Variants in B3GNT7 observed in about 807,000 individuals in gnomAD.
The protein encoded by B3GNT7 is BGnT-7.
A neutral mutation model predicts 5.1 loss-of-function variants in B3GNT7; 9 were observed. That is an observed-to-expected ratio of 1.77 (90% CI 1.07 to 3.09). B3GNT7 has a LOEUF of 3.09. Among genes scored for constraint, B3GNT7 ranks in the 30% most tolerant of loss-of-function variants. The pLI is 0.00. For missense variants in B3GNT7, 468 were observed against 550.8 expected, an observed-to-expected ratio of 0.85 and a Z score of 1.50; for synonymous variants, 253 against 248.6, an observed-to-expected ratio of 1.02 and a Z score of -0.17.
chr2:231,399,143 T>G lies in B3GNT7; in HGVS notation c.*218T>G. 1.8e-6 allele frequency: 1 copy of G among 570,262 alleles called. No homozygotes were observed. The allele number at this position is 570,262 out of a possible 1,614,324, so 35.3% of individuals were successfully genotyped here. On this transcript the variant is annotated 3_prime_UTR_variant, in exon 2 of 2. Transcript: ENST00000287590. ...ACTGAGGCCCAGGAACGGTTGGAGC[T>G]GCCCAGTCTGGAGGCCCTCTCTGAG...
Position 231,398,266 on chromosome 2 carries a change from C to CA in B3GNT7, c.548dup (p.Glu184GlyfsTer59). Reference sequence around the variant, plus strand: ...CTTCCTGCTGGGCACGGCCTCCAAGCAGGAGGAGCGCACGCACTACCAGCA... The same window carrying CA: ...CTTCCTGCTGGGCACGGCCTCCAAGCAAGGAGGAGCGCACGCACTACCAGCA... On this transcript the variant is annotated frameshift_variant, in exon 2 of 2. Transcript: ENST00000287590. LOFTEE classifies it low-confidence loss of function (END_TRUNC). 1 of 1,612,726 alleles carries CA rather than the reference C, an allele frequency of 6.2e-7. No individual in the cohort carries two copies. Among genetic ancestry groups the CA allele is most frequent in the South Asian group, 1.1e-5 (1 of 91,074 alleles).
chr2:231,399,020 C>A lies in B3GNT7; in HGVS notation c.*95C>A. 8.6e-7 allele frequency: 1 copy of A among 1,166,158 alleles called. No homozygotes were observed. The highest frequency in any genetic ancestry group is 1.2e-6 in the Non-Finnish European group (1 of 851,256). The allele number at this position is 1,166,158 out of a possible 1,614,324, so 72.2% of individuals were successfully genotyped here. ...ACAGTGCCCAGGCCTAGCCTTTGGT[C>A]CCCAAGGGGAGGTGGAGGGTTGAGG... On this transcript the variant is annotated 3_prime_UTR_variant, in exon 2 of 2. Transcript: ENST00000287590.
chr2:231,398,798 T>C lies in B3GNT7; in HGVS notation c.1079T>C (p.Met360Thr), dbSNP rs369693152. 2.5e-6 allele frequency: 4 copies of C among 1,606,272 alleles called. No individual in the cohort carries two copies. The African/African-American group carries it at 5.3e-5, about 21-fold the overall frequency. Residue 360 changes from methionine (M) to threonine (T), a missense_variant, in exon 2 of 2, where the codon ATG (methionine) becomes ACG (threonine). Met to Thr is a moderately conservative substitution (Grantham distance 81). Coordinates refer to ENST00000287590, the MANE Select transcript of B3GNT7 (RefSeq NM_145236.3). ...FGISRNRNSR[M>T]NKEPCFFRAM... ...ATCTCCCGGAACCGCAACAGCCGCA[T>C]GAACAAGGAGCCGTGCTTTTTCCGC...
rs1184659332 is a variant in B3GNT7, at chr2:231,399,173, G to A, written c.*248G>A. ...AGTCTGGAGGCCCTCTCTGAGGAGCGAGGCGCCAGGCCCTGGCAGCCCTCC... is the reference window on the plus strand; with the variant it reads ...AGTCTGGAGGCCCTCTCTGAGGAGCAAGGCGCCAGGCCCTGGCAGCCCTCC... On this transcript the variant is annotated 3_prime_UTR_variant, in exon 2 of 2. Transcript: ENST00000287590. The A allele has an allele frequency of 1.3e-4, 67 of 528,438 alleles. No homozygotes were observed. The East Asian group carries it at 2.1e-3, about 16-fold the overall frequency. 32.7% of individuals were successfully genotyped at this position (528,438 alleles called of 1,614,324 possible).
intron 1 of B3GNT7, 38 bp from the exon 2 acceptor site, chr2:231,397,692 CT>C (rs201032403): frequency 0.04 from 61,063 of 1,531,042 alleles, 1,528 homozygotes; most frequent in Non-Finnish European, 0.048. Context: ...CTGGGCTCAT[CT>C]TTTCTCTCTC....
rs2046534899 is a variant in B3GNT7 at position 231,398,382 on chromosome 2, C to T, written c.663C>T (p.His221=). 2 of 1,613,594 alleles carry T rather than the reference C, an allele frequency of 1.2e-6. No individual in the cohort carries two copies. The highest frequency in any genetic ancestry group is 1.7e-5 in the Admixed American group (1 of 60,012). ...TCAACCTGACCCTCAAGGAGATCCA[C>T]TTCCTCAAGTGGCTGGACATCTACT... ...TFFNLTLKEI[H]FLKWLDIYCP... is the part of the protein sequence containing the mutation. The change falls in exon 2 of 2, where the codon CAC becomes CAT. Residue 221 remains histidine, a synonymous_variant. Transcript: ENST00000287590.
intron 1 of B3GNT7, among the ~76,000 whole-genome samples, chr2:231,396,924 C>G (rs1320733756): frequency 6.6e-6 from 1 of 152,172 alleles, no homozygotes; most frequent in African/African-American, 2.4e-5. Flanking sequence ...AAGGGTCCCT[C>G]AAGGGCTGGA....
rs187875543 is a variant in B3GNT7, at chr2:231,398,166, C to T, written c.447C>T (p.Arg149=). 6.0e-5 allele frequency: 95 copies of T among 1,592,034 alleles called. 2 individuals carry two copies. The East Asian group carries it at 1.1e-3, about 18-fold the overall frequency. Residue 149 remains arginine, a synonymous_variant, in exon 2 of 2, where the codon CGC becomes CGT. Transcript: ENST00000287590. ...VVKSVITQHD[R]REAIRQTWGR... ...AGTCGGTCATCACGCAGCACGACCG[C>T]CGCGAGGCCATCCGCCAGACCTGGG...
In B3GNT7 at chr2:231,400,390, C is replaced by T. The variant is rs971526127; in HGVS notation, c.*1465C>T. 1 of 152,230 alleles carries T rather than the reference C, an allele frequency of 6.6e-6. No individual in the cohort carries two copies. The highest frequency in any genetic ancestry group is 1.5e-5 in the Non-Finnish European group (1 of 68,078). The allele number at this position is 152,230 out of a possible 1,614,324, so 9.4% of individuals were successfully genotyped here. On this transcript the variant is annotated 3_prime_UTR_variant, in exon 2 of 2. Transcript: ENST00000287590. ...GGCTCTAGCGTGAGCCAGTGCCTTC[C>T]TGTCCCTGCCAAGGGTGAGGCCAGA...
At chr2:231,397,407 A>C in intron 1 of B3GNT7, 1 of 381,550 alleles carries the variant, frequency 2.6e-6, no homozygotes, top group East Asian at 6.8e-5. Flanking sequence ...CTGGTACTTT[A>C]TATAGCACTC....
At position 231,397,562 on chromosome 2, in the gene B3GNT7, G is replaced by T. The variant is rs924079108; in HGVS notation, c.12-169G>T. ...GCAGGGTGGGAGAAAGAAAGGGCAG[G>T]GTGGGAGAGGAAGCGGGACCCTACC... On this transcript the variant is annotated intron_variant, in intron 1 of 1. Transcript: ENST00000287590. 3.3e-5 allele frequency among the ~76,000 whole-genome samples: 5 copies of T among 152,240 alleles called. No individual in the cohort carries two copies. In the East Asian group the frequency reaches 7.7e-4, roughly 24 times the overall value.
chr2:231,398,979 T>C lies in B3GNT7; in HGVS notation c.*54T>C. The C allele has an allele frequency of 6.9e-7, 1 of 1,440,426 alleles. No individual in the cohort carries two copies. 89.2% of individuals were successfully genotyped at this position (1,440,426 alleles called of 1,614,324 possible). The stretch of plus-strand genomic sequence containing the variant: ...GGCACTTGCTCCTGAGCCCCCATGG[T>C]ATTGGGGCTGGAGCCACAGTGCCCA... On this transcript the variant is annotated 3_prime_UTR_variant, in exon 2 of 2. Transcript: ENST00000287590.
In B3GNT7 at chr2:231,399,177, C is replaced by T. The variant is rs140890597; in HGVS notation, c.*252C>T. The T allele has an allele frequency of 2.5e-4, 130 of 520,532 alleles. 2 individuals are homozygous for T. The East Asian group carries it at 3.5e-3, about 14-fold the overall frequency. The allele number at this position is 520,532 out of a possible 1,614,324, so 32.2% of individuals were successfully genotyped here. A position where few individuals can be genotyped will look rare whatever the true frequency, so the allele number is the denominator to read the frequency against. ...TGGAGGCCCTCTCTGAGGAGCGAGG[C>T]GCCAGGCCCTGGCAGCCCTCCTGAC... On this transcript the variant is annotated 3_prime_UTR_variant, in exon 2 of 2. Coordinates refer to ENST00000287590, the MANE Select transcript of B3GNT7 (RefSeq NM_145236.3).
In B3GNT7 at chr2:231,398,397, G is replaced by A; in HGVS notation, c.678G>A (p.Leu226=). 1 of 1,613,708 alleles carries A rather than the reference G, an allele frequency of 6.2e-7. No homozygotes were observed. Among genetic ancestry groups the A allele is most frequent in the Non-Finnish European group, 8.5e-7 (1 of 1,179,876 alleles). Residue 226 remains leucine, a synonymous_variant, in exon 2 of 2, where the codon CTG becomes CTA. Transcript: ENST00000287590. ...AGGAGATCCACTTCCTCAAGTGGCT[G>A]GACATCTACTGCCCCCACGTCCCCT... The part of the protein sequence containing the change: ...TLKEIHFLKW[L]DIYCPHVPFI...
At chr2:231,396,094 G>T (rs1195544871) in intron 1 of B3GNT7, among the ~76,000 whole-genome samples, 2 of 152,038 alleles carry the variant, frequency 1.3e-5, no homozygotes, top group Admixed American at 6.5e-5. Context: ...ACCGCTCCAG[G>T]ACCCTGGCGG....
chr2:231,397,787 C>G lies in B3GNT7; in HGVS notation c.68C>G (p.Thr23Arg), dbSNP rs766174080. 2 of 1,613,638 alleles carry G rather than the reference C, an allele frequency of 1.2e-6. No homozygotes were observed. The highest frequency in any genetic ancestry group is 1.3e-5 in the African/African-American group (1 of 74,924). ...GCCCTGGCCCTGCTCGTGGCCGTGA[C>G]GGTGTTCCAACGCAGTCTCACCCCT... ...CLALALLVAV[T>R]VFQRSLTPGQ... Residue 23 changes from threonine (T) to arginine (R), a missense_variant, in exon 2 of 2, where the codon ACG (threonine) becomes AGG (arginine). Coordinates refer to ENST00000287590, the MANE Select transcript of B3GNT7 (RefSeq NM_145236.3).
chr2:231,395,765 C>A lies in B3GNT7; in HGVS notation c.-39C>A, dbSNP rs1408073335. 14 of 1,171,140 alleles carry A rather than the reference C, an allele frequency of 1.2e-5. 1 individual carries two copies. The highest frequency in any genetic ancestry group is 1.5e-5 in the Non-Finnish European group (14 of 949,250). The allele number at this position is 1,171,140 out of a possible 1,614,324, so 72.5% of individuals were successfully genotyped here. A position where few individuals can be genotyped will look rare whatever the true frequency, so the allele number is the denominator to read the frequency against. On this transcript the variant is annotated 5_prime_UTR_variant, in exon 1 of 2. Transcript: ENST00000287590. This position sits in a 1 kb window ranked among gnomAD's most constrained non-coding sequence, Gnocchi z 7.3. Reference sequence around the variant, plus strand: ...GCCCGAGCCGTGGCGCCCAGAGCTGCGAGCCGCTCGCCCCTCCGCCGCTCC... The same window carrying A: ...GCCCGAGCCGTGGCGCCCAGAGCTGAGAGCCGCTCGCCCCTCCGCCGCTCC...
In B3GNT7 at chr2:231,398,789, A is replaced by G. The variant is rs201884921; in HGVS notation, c.1070A>G (p.Asn357Ser). Residue 357 changes from asparagine (N) to serine (S), a missense_variant, in exon 2 of 2, where the codon AAC (asparagine) becomes AGC (serine). By Grantham distance (46) the Asn-to-Ser change is conservative. Coordinates refer to ENST00000287590, the MANE Select transcript of B3GNT7 (RefSeq NM_145236.3). Reference sequence around the variant, plus strand: ...ACTTTCGGCATCTCCCGGAACCGCAACAGCCGCATGAACAAGGAGCCGTGC... The same window carrying G: ...ACTTTCGGCATCTCCCGGAACCGCAGCAGCCGCATGAACAAGGAGCCGTGC... ...FKTFGISRNR[N>S]SRMNKEPCFF... 2.2e-4 allele frequency: 358 copies of G among 1,606,872 alleles called. No individual in the cohort carries two copies. The highest frequency in any genetic ancestry group is 1.8e-3 in the African/African-American group (135 of 75,068).
intron 1 of B3GNT7, among the ~76,000 whole-genome samples, chr2:231,396,760 A>G (rs2046518638): frequency 6.6e-6 from 1 of 152,162 alleles, no homozygotes; most frequent in African/African-American, 2.4e-5. Context: ...GTGTCCTGGC[A>G]GCCCCCGGAG....
Sources: allele counts gnomAD v4.1 joint callset (sites outside exome capture counted in the v4.1 genomes callset), GRCh38; gene constraint gnomAD v4.1.1; non-coding constraint Gnocchi (gnomAD v3.1); transcripts MANE v1.5; gene names NCBI Gene and HGNC (gene_info 2026-07-23, HGNC 2026-07-21).